Variants in SLC5A12 observed in about 807,000 individuals in gnomAD.
SLC5A12 encodes solute carrier family 5 member 12.
In SLC5A12, 46 loss-of-function variants were observed where a neutral mutation model predicts 72.7. That is an observed-to-expected ratio of 0.63 (90% CI 0.50 to 0.81). SLC5A12 has a LOEUF of 0.81. SLC5A12 is among the 30% of genes least tolerant of loss of function. The pLI, the probability that SLC5A12 is intolerant of heterozygous loss-of-function variation, is 0.00. For missense variants in SLC5A12, 683 were observed against 740.7 expected (o/e 0.92, Z 0.90); for synonymous variants, 275 against 264.4 (o/e 1.04, Z -0.39).
At chr11:26,680,480 A>G (rs1383451779) in intron 12 of SLC5A12, among the ~76,000 whole-genome samples, 1 of 149,880 alleles carries the variant, frequency 6.7e-6, no homozygotes, top group Non-Finnish European at 1.5e-5. Context: ...CCAAAGATAC[A>G]GAGGGAATAA....
intron 4 of SLC5A12, chr11:26,709,070 T>C (rs56061726): frequency 0.018 from 6,379 of 353,790 alleles, 325 homozygotes; most frequent in African/African-American, 0.11. Flanking sequence ...CATTAGATTT[T>C]TTTCTTATTA....
intron 8 of SLC5A12, among the ~76,000 whole-genome samples, chr11:26,695,494 C>T (rs1179835901): frequency 2.0e-5 from 3 of 152,010 alleles, no homozygotes; most frequent in African/African-American, 7.2e-5. Context: ...TATTTATAAT[C>T]ACAGAATGGA....
rs753286072 is a variant in SLC5A12, at chr11:26,686,471, C to T, written c.1221+6G>A. The T allele has an allele frequency of 9.3e-6, 15 of 1,613,382 alleles. No homozygotes were observed. Among genetic ancestry groups the T allele is most frequent in the South Asian group, 6.6e-5 (6 of 91,010 alleles). ...AACCAAATGTGTCTTTTCCTTCTTT[C>T]GTTACCTGCACAACACCTCCCATGA... On this transcript the variant is annotated splice_donor_region_variant and intron_variant, in intron 10 of 14. Transcript: ENST00000396005.
rs112097220 is a variant in SLC5A12 at position 26,721,890 on chromosome 11, G to T, written c.-176C>A. 5,462 of 616,144 alleles carry T rather than the reference G, an allele frequency of 8.9e-3. 138 individuals are homozygous for T. Among genetic ancestry groups the T allele is most frequent in the East Asian group, 0.078 (2,894 of 37,264 alleles). 38.2% of individuals were successfully genotyped at this position (616,144 alleles called of 1,614,324 possible). On this transcript the variant is annotated 5_prime_UTR_variant, in exon 1 of 15. Transcript: ENST00000396005. ...CTTCAGACACCAACGTGTACTTAGT[G>T]AAGATCTCAAAAGTTGACTTCAAAG...
Position 26,721,503 on chromosome 11 carries a change from G to A in SLC5A12, c.212C>T (p.Pro71Leu). The change falls in exon 1 of 15, where the codon CCT becomes CTT. Residue 71 changes from proline to leucine, a missense_variant. Coordinates refer to ENST00000396005, the MANE Select transcript of SLC5A12 (RefSeq NM_178498.4). ...TGCCCCAAAGCGGTAGACTTCAGAA[G>A]GGGTCCCCAGGACCGTGACAGCTGA... ...FMSAVTVLGT[P>L]SEVYRFGASF... The A allele has an allele frequency of 1.9e-6, 3 of 1,614,110 alleles. No individual in the cohort carries two copies. Among genetic ancestry groups the A allele is most frequent in the African/African-American group, 1.3e-5 (1 of 75,032 alleles).
At chr11:26,695,946 C>T (rs546340579) in intron 8 of SLC5A12, among the ~76,000 whole-genome samples, 1 of 152,254 alleles carries the variant, frequency 6.6e-6, no homozygotes, top group East Asian at 1.9e-4. Flanking sequence ...TGCTTTTCCC[C>T]CTGCCTGTAA....
rs1224927735 is a variant in SLC5A12 at position 26,721,475 on chromosome 11, G to A, written c.240C>T (p.Ser80=). 1 of 1,613,998 alleles carries A rather than the reference G, an allele frequency of 6.2e-7. No individual in the cohort carries two copies. Among genetic ancestry groups the A allele is most frequent in the Non-Finnish European group, 8.5e-7 (1 of 1,180,026 alleles). Residue 80 remains serine, a synonymous_variant, in exon 1 of 15, where the codon TCC becomes TCT. Transcript: ENST00000396005. ...TPSEVYRFGA[S]FLVFFIAYLF... is the part of the protein sequence containing the mutation. Reference sequence around the variant, plus strand: ...GGTAAGCAATGAAGAAGACTAGGAAGGATGCCCCAAAGCGGTAGACTTCAG... The same window carrying A: ...GGTAAGCAATGAAGAAGACTAGGAAAGATGCCCCAAAGCGGTAGACTTCAG...
At chr11:26,711,489 ACT>A (rs1160307796) in intron 2 of SLC5A12, 131 bp from the exon 3 acceptor site, 1 of 729,066 alleles carries the variant, frequency 1.4e-6, no homozygotes, top group African/African-American at 1.8e-5. Flanking sequence ...ATTCCTGTTG[ACT>A]CTAATTTTGA....
At chr11:26,694,061 AGTT>A (rs1455703545) in intron 8 of SLC5A12, among the ~76,000 whole-genome samples, 3 of 152,174 alleles carry the variant, frequency 2.0e-5, no homozygotes, top group African/African-American at 7.2e-5. Context: ...GGGAGCAGAA[AGTT>A]GAATTTGGCC....
intron 8 of SLC5A12, among the ~76,000 whole-genome samples, chr11:26,696,092 G>T (rs569314104): frequency 6.6e-6 from 1 of 152,186 alleles, no homozygotes; most frequent in East Asian, 1.9e-4. Flanking sequence ...CTCTCTCTAG[G>T]ATACACACTG....
At chr11:26,689,011 G>A (rs2133162779) in intron 9 of SLC5A12, among the ~76,000 whole-genome samples, 2 of 147,828 alleles carry the variant, frequency 1.4e-5, no homozygotes, top group Middle Eastern at 3.6e-3. Context: ...CATACTAAGA[G>A]CAATAAAAAA....
chr11:26,674,539 A>G (rs1184268976), intron 13 of SLC5A12, among the ~76,000 whole-genome samples: 1 of 152,030 alleles, frequency 6.6e-6, no homozygotes, highest in African/African-American at 2.4e-5. Flanking sequence ...AGCTGGGACT[A>G]CAGGCACGAA....
intron 13 of SLC5A12, among the ~76,000 whole-genome samples, chr11:26,676,551 A>T (rs1854271988): frequency 6.6e-6 from 1 of 152,186 alleles, no homozygotes; most frequent in Non-Finnish European, 1.5e-5. Flanking sequence ...AAAACAGAGT[A>T]GCATCAATCT....
chr11:26,680,397 A>ATG (rs1422240938), intron 12 of SLC5A12, among the ~76,000 whole-genome samples: 1 of 115,378 alleles, frequency 8.7e-6, no homozygotes, highest in Non-Finnish European at 1.8e-5. Flanking sequence ...ATATATTCAT[A>ATG]TATATATATA....
chr11:26,692,659 C>T, intron 8 of SLC5A12, 58 bp from the exon 9 acceptor site: 1 of 1,239,496 alleles, frequency 8.1e-7, no homozygotes, highest in Middle Eastern at 1.9e-4. Context: ...AGCTACCAGC[C>T]TGCCCTCTTG....
At chr11:26,694,157 C>T (rs954779482) in intron 8 of SLC5A12, among the ~76,000 whole-genome samples, 1 of 152,146 alleles carries the variant, frequency 6.6e-6, no homozygotes, top group Admixed American at 6.6e-5. Context: ...GATTCTAAGG[C>T]TGCTACAAGA....
intron 1 of SLC5A12, among the ~76,000 whole-genome samples, chr11:26,719,887 G>T (rs1222043081): frequency 6.6e-6 from 1 of 152,130 alleles, no homozygotes; most frequent in East Asian, 1.9e-4. Context: ...AAGTTAGACT[G>T]CCTGGTTTGA....
At chr11:26,698,581 A>G in intron 6 of SLC5A12, 46 bp from the exon 7 acceptor site, 1 of 1,601,660 alleles carries the variant, frequency 6.2e-7, no homozygotes, top group Non-Finnish European at 8.5e-7. Context: ...ATACCATATC[A>G]TACTGTGGTG....
chr11:26,704,026 C>T, intron 4 of SLC5A12, 79 bp from the exon 5 acceptor site: 1 of 1,439,326 alleles, frequency 6.9e-7, no homozygotes, highest in Non-Finnish European at 9.6e-7. Flanking sequence ...TCTGCTAATG[C>T]ATGCATGCAT....
Sources: gnomAD v4.1 joint callset for allele counts (sites outside exome capture counted in the v4.1 genomes callset) on GRCh38, gnomAD v4.1.1 for gene constraint, MANE v1.5 for transcripts, NCBI Gene and HGNC (gene_info 2026-07-23, HGNC 2026-07-21) for gene names.